The following ECM2 variants were observed in gnomAD, a reference collection of about 807,000 sequenced individuals.
ECM2 encodes the protein extracellular matrix protein 2, female organ and adipocyte specific.
Under a neutral mutation model 67.5 loss-of-function variants are expected in ECM2, and 57 were observed. That is an observed-to-expected ratio of 0.84 (90% confidence interval 0.68 to 1.05). ECM2 has a LOEUF of 1.05. Among genes scored for constraint, ECM2 ranks in the 50% least tolerant of loss-of-function variants. The pLI is 0.00. For missense variants in ECM2, 741 were observed against 822.8 expected (o/e 0.90, Z 1.22); for synonymous variants, 258 against 294.5 (o/e 0.88, Z 1.27).
intron 2 of ECM2, among the ~76,000 whole-genome samples, chr9:92,521,689 T>C (rs1042012894): frequency 2.0e-5 from 3 of 152,194 alleles, no homozygotes; most frequent in Non-Finnish European, 1.5e-5. Context: ...TTGAAATCTT[T>C]AGCAGAATTT....
intron 2 of ECM2, among the ~76,000 whole-genome samples, chr9:92,518,077 CG>C (rs1847835455): frequency 6.6e-6 from 1 of 152,170 alleles, no homozygotes. Flanking sequence ...AGCCCTTTCA[CG>C]TAGGCTCTAA....
At chr9:92,505,385 A>G (rs781641179) in intron 7 of ECM2, 148 bp downstream of exon 7, 1 of 706,612 alleles carries the variant, frequency 1.4e-6, no homozygotes, top group South Asian at 2.9e-5. Context: ...TGCTTGAAGA[A>G]AAAACAATGC....
intron 7 of ECM2, among the ~76,000 whole-genome samples, chr9:92,504,757 T>G (rs1235962495): frequency 6.6e-6 from 1 of 152,142 alleles, no homozygotes; most frequent in African/African-American, 2.4e-5. Context: ...CAGGCTACTC[T>G]CAAACTCCTG....
chr9:92,496,206 TATA>T lies in ECM2; in HGVS notation c.*106_*108del, dbSNP rs1429539295. On this transcript the variant is annotated 3_prime_UTR_variant, in exon 10 of 10. Transcript: ENST00000344604. ...TGTTAGTGAATCAGGTTGACTAGCA[TATA>T]ATGATACTGAGTATAACAGGAGGAT... 2.1e-5 allele frequency: 31 copies of T among 1,445,116 alleles called. No homozygotes were observed. Among genetic ancestry groups the T allele is most frequent in the Non-Finnish European group, 2.8e-5 (31 of 1,108,782 alleles). The allele number at this position is 1,445,116 out of a possible 1,614,324, so 89.5% of individuals were successfully genotyped here.
At position 92,511,995 on chromosome 9, in the gene ECM2, C is replaced by A. The variant is rs1356334640; in HGVS notation, c.1170+16G>T. The A allele has an allele frequency of 2.5e-6, 4 of 1,573,992 alleles. No homozygotes were observed. The highest frequency in any genetic ancestry group is 4.5e-5 in the East Asian group (2 of 44,078). Reference sequence around the variant, plus strand: ...AAGCCATTCATCCAAATAGACAAATCAGAGCATGTATTTACCTTGAATGCT... The same window carrying A: ...AAGCCATTCATCCAAATAGACAAATAAGAGCATGTATTTACCTTGAATGCT... On this transcript the variant is annotated intron_variant, in intron 5 of 9. Transcript: ENST00000344604.
At chr9:92,501,863 C>T (rs576863025) in intron 8 of ECM2, among the ~76,000 whole-genome samples, 7 of 152,340 alleles carry the variant, frequency 4.6e-5, no homozygotes, top group African/African-American at 1.7e-4. Context: ...CTGACTCCCT[C>T]CCCCTTCACT....
chr9:92,502,555 A>G lies in ECM2; in HGVS notation c.1562T>C (p.Ile521Thr). 1 of 1,612,726 alleles carries G rather than the reference A, an allele frequency of 6.2e-7. No individual in the cohort carries two copies. Among genetic ancestry groups the G allele is most frequent in the Non-Finnish European group, 8.5e-7 (1 of 1,179,458 alleles). ...INVIVLRYNKIEENRIAPLAW... is the reference protein window; with the variant it reads ...INVIVLRYNKTEENRIAPLAW... ...TAAAGGAGCAATCCTATTTTCTTCA[A>G]TTTTGTTATAACGTAGTACAATGAC... is the stretch of plus-strand genomic sequence containing the variant. Residue 521 changes from isoleucine to threonine, a missense_variant, in exon 8 of 10, where the codon ATT (isoleucine) becomes ACT (threonine). By Grantham distance (89) the Ile-to-Thr change is moderately conservative (BLOSUM62 -1). Coordinates refer to ENST00000344604, the MANE Select transcript of ECM2 (RefSeq NM_001393.4).
At chr9:92,529,841 T>A (rs1005035848) in intron 1 of ECM2, among the ~76,000 whole-genome samples, 2 of 152,188 alleles carry the variant, frequency 1.3e-5, no homozygotes, top group African/African-American at 4.8e-5. Flanking sequence ...CTTAGGGCAG[T>A]GAAACTCTTC....
chr9:92,536,693 C>G (rs1849179974), upstream of ECM2: 1 of 152,048 alleles, frequency 6.6e-6, no homozygotes, highest in South Asian at 2.1e-4. Context: ...CAAGCGCAAC[C>G]CTGCTGTTTA....
At chr9:92,534,742 A>G (rs1182692956) in intron 1 of ECM2, among the ~76,000 whole-genome samples, 1 of 152,200 alleles carries the variant, frequency 6.6e-6, no homozygotes, top group Non-Finnish European at 1.5e-5. Flanking sequence ...GAAAACCTGA[A>G]CTGAGAGACA....
chr9:92,497,376 G>C (rs561612147), intron 9 of ECM2, among the ~76,000 whole-genome samples: 2 of 152,300 alleles, frequency 1.3e-5, no homozygotes, highest in African/African-American at 4.8e-5. Flanking sequence ...TGTCATCCCA[G>C]CACTTTGGGA....
At chr9:92,532,813 T>C (rs1004409527) in intron 1 of ECM2, among the ~76,000 whole-genome samples, 1 of 152,194 alleles carries the variant, frequency 6.6e-6, no homozygotes, top group African/African-American at 2.4e-5. Context: ...TGTGTCTATT[T>C]CGGTTGTCTC....
the ECM2 span, among the ~76,000 whole-genome samples, chr9:92,546,970 A>G: frequency 4.6e-5 from 7 of 152,310 alleles, no homozygotes; most frequent in African/African-American, 1.4e-4. Flanking sequence ...ACAAACTGAC[A>G]GGGACGTCAG....
At chr9:92,536,166 G>A, upstream of ECM2, 1 of 374,430 alleles carries the variant, frequency 2.7e-6, no homozygotes, top group Middle Eastern at 3.8e-4. Flanking sequence ...TGGTTACCAA[G>A]GGAAATATTT....
At chr9:92,546,333 T>C in the ECM2 span, among the ~76,000 whole-genome samples, 3 of 151,968 alleles carry the variant, frequency 2.0e-5, no homozygotes, top group Non-Finnish European at 4.4e-5. Context: ...CCACCAGAGG[T>C]CCCCTTCCAC....
the ECM2 span, among the ~76,000 whole-genome samples, chr9:92,542,232 A>G: frequency 6.6e-6 from 1 of 151,842 alleles, no homozygotes; most frequent in Admixed American, 6.6e-5. Context: ...TCCTTTGCCT[A>G]TTTTCTTGAT....
chr9:92,501,094 A>T, intron 8 of ECM2, 41 bp from the exon 9 acceptor site: 2 of 1,579,930 alleles, frequency 1.3e-6, no homozygotes, highest in South Asian at 2.3e-5. Context: ...GGACATCAGG[A>T]TGGTGATCAT....
In ECM2 at chr9:92,522,725, T is replaced by C. The variant is rs1279109674; in HGVS notation, c.142A>G (p.Arg48Gly). The C allele has an allele frequency of 6.2e-7, 1 of 1,614,200 alleles. No homozygotes were observed. Among genetic ancestry groups the C allele is most frequent in the South Asian group, 1.1e-5 (1 of 91,086 alleles). Reference sequence around the variant, plus strand: ...TGAATTCCAAGCTGTCTGTTTGATCTGTGCTTGTGTGAGGTTGAACTTTTC... The same window carrying C: ...TGAATTCCAAGCTGTCTGTTTGATCCGTGCTTGTGTGAGGTTGAACTTTTC... ...LRKSSTSHKH[R>G]SNRQLGIQQT... Residue 48 changes from arginine (R) to glycine (G), a missense_variant, in exon 2 of 10, where the codon AGA becomes GGA. Arg to Gly is a moderately radical substitution (Grantham distance 125). Transcript: ENST00000344604.
chr9:92,526,261 A>T (rs1225287425), intron 1 of ECM2, among the ~76,000 whole-genome samples: 1 of 152,202 alleles, frequency 6.6e-6, no homozygotes, highest in Admixed American at 6.5e-5. Context: ...AAAAATAAAA[A>T]TAGAAAAAAG....
Sources: allele counts gnomAD v4.1 joint callset (sites outside exome capture counted in the v4.1 genomes callset), GRCh38; gene constraint gnomAD v4.1.1; transcripts MANE v1.5; gene names NCBI Gene and HGNC (gene_info 2026-07-23, HGNC 2026-07-21).